SPTB: variants seen among roughly 807,000 people sequenced by gnomAD.
The protein encoded by SPTB is spectrin beta, erythrocytic.
SPTB carries 45 observed loss-of-function variants against 256.2 expected under a neutral mutation model. The ratio of observed to expected loss-of-function variants is 0.18; its 90% CI spans 0.14 to 0.23. SPTB has a LOEUF of 0.23. Among genes scored for constraint, SPTB ranks in the 10% least tolerant of loss-of-function variants. SPTB has a pLI of 1.00. For missense variants in SPTB, 2,715 were observed against 3,040.4 expected (o/e 0.89, Z 2.52); for synonymous variants, 1,231 against 1,243.1 (o/e 0.99, Z 0.21).
chr14:64,818,330 G>A (rs1437637299), intron 2 of SPTB, among the ~76,000 whole-genome samples: 1 of 152,368 alleles, frequency 6.6e-6, no homozygotes, highest in East Asian at 1.9e-4. Context: ...GAGCCGAGGA[G>A]CTGTAAAACA....
chr14:64,787,833 G>A (rs376821064), intron 15 of SPTB, among the ~76,000 whole-genome samples: 1 of 152,328 alleles, frequency 6.6e-6, no homozygotes, highest in East Asian at 1.9e-4. Flanking sequence ...TGCAGTACAC[G>A]ATAAGCCTCT....
intron 32 of SPTB, 43 bp downstream of exon 32, chr14:64,766,683 G>A: frequency 6.2e-7 from 1 of 1,613,542 alleles, no homozygotes; most frequent in Admixed American, 1.7e-5. Context: ...GGCTCTGGCT[G>A]CAGTGACTCC....
In SPTB at chr14:64,786,992, G is replaced by T; in HGVS notation, c.2973C>A (p.Ile991=). 1.9e-6 allele frequency: 3 copies of T among 1,614,092 alleles called. No homozygotes were observed. The highest frequency in any genetic ancestry group is 2.5e-6 in the Non-Finnish European group (3 of 1,180,030). The change falls in exon 16 of 36, where the codon ATC becomes ATA. Residue 991 remains isoleucine (I), a synonymous_variant. Transcript: ENST00000644917. The surrounding 1 kb of genome is among the most constrained non-coding windows in gnomAD (Gnocchi z 5.6). ...GCCCTGACAACTTCCTCTGGATGGC[G>T]ATGATACCTGCCAGGTCCCGCCCCA... ...KDLGRDLAGI[I]AIQRKLSGLE... is the part of the protein sequence containing the mutation.
At chr14:64,828,993 G>A (rs1012743882) in intron 1 of SPTB, among the ~76,000 whole-genome samples, 3 of 152,112 alleles carry the variant, frequency 2.0e-5, no homozygotes, top group African/African-American at 7.2e-5. Context: ...CAGATAATGG[G>A]TTGATGGGTG....
In SPTB at chr14:64,760,369, C is replaced by T. The variant is rs532112112; in HGVS notation, c.6345+6357G>A. 1.3e-5 allele frequency among the ~76,000 whole-genome samples: 2 copies of T among 152,022 alleles called. No homozygotes were observed. Among genetic ancestry groups the T allele is most frequent in the African/African-American group, 2.4e-5 (1 of 41,392 alleles). Reference sequence around the variant, plus strand: ...GTCCAGGCTCAACCAGCAGGTGGCGCGGGGGACTGCACACAGACAACAAAC... The same window carrying T: ...GTCCAGGCTCAACCAGCAGGTGGCGTGGGGGACTGCACACAGACAACAAAC... On this transcript the variant is annotated intron_variant, in intron 32 of 35. Coordinates refer to ENST00000644917, the MANE Select transcript of SPTB (RefSeq NM_001355436.2). The surrounding 1 kb of genome is among the most constrained non-coding windows in gnomAD (Gnocchi z 4.3).
intron 32 of SPTB, 72 bp downstream of exon 32, chr14:64,766,654 A>T (rs1450256052): frequency 6.2e-7 from 1 of 1,612,622 alleles, no homozygotes; most frequent in Non-Finnish European, 8.5e-7. Flanking sequence ...ACCTGGGCTG[A>T]GCCTAGTAGG....
At chr14:64,834,158 C>G (rs971070526) in intron 1 of SPTB, among the ~76,000 whole-genome samples, 2 of 152,158 alleles carry the variant, frequency 1.3e-5, no homozygotes, top group Non-Finnish European at 2.9e-5. Context: ...TCCCAAGTAG[C>G]TGGGACTACA....
chr14:64,763,955 T>C (rs1258187376), intron 32 of SPTB: 1 of 501,932 alleles, frequency 2.0e-6, no homozygotes, highest in Non-Finnish European at 4.0e-6. Context: ...TGTGCAGCTG[T>C]CCAGACAGGA....
chr14:64,751,041 AATTATAT>A (rs966639168), intron 33 of SPTB, among the ~76,000 whole-genome samples: 15 of 145,162 alleles, frequency 1.0e-4, no homozygotes, highest in East Asian at 3.9e-4. Flanking sequence ...TATATGTAGC[AATTATAT>A]ATTATATAAT....
intron 32 of SPTB, among the ~76,000 whole-genome samples, chr14:64,765,470 T>C (rs910157924): frequency 1.3e-5 from 2 of 152,094 alleles, no homozygotes; most frequent in African/African-American, 2.4e-5. Flanking sequence ...CTGAGGCGCA[T>C]GCCCTAGGCC....
chr14:64,749,326 A>G lies in SPTB; in HGVS notation c.6967T>C (p.Phe2323Leu). The change falls in exon 36 of 36, where the codon TTC becomes CTC. Residue 2323 changes from phenylalanine to leucine, a missense_variant. Physicochemically the swap from Phe to Leu is conservative, Grantham distance 22. Coordinates refer to ENST00000644917, the MANE Select transcript of SPTB (RefSeq NM_001355436.2). This position sits in a 1 kb window ranked among gnomAD's most constrained non-coding sequence, Gnocchi z 4.7. ...ACCTGCTACTTCTTTTTGGGGAAGA[A>G]GCTGAATCTCTTCTCCTTGTCTTTC... Reference protein sequence around the residue: ...GKKDKEKRFSFFPKKK With the variant: ...GKKDKEKRFSLFPKKK The G allele has an allele frequency of 6.2e-7, 1 of 1,607,668 alleles. No homozygotes were observed.
At chr14:64,765,467 G>A (rs930407934) in intron 32 of SPTB, among the ~76,000 whole-genome samples, 1 of 152,240 alleles carries the variant, frequency 6.6e-6, no homozygotes, top group South Asian at 2.1e-4. Flanking sequence ...GTCCTGAGGC[G>A]CATGCCCTAG....
At chr14:64,834,041 T>C (rs1487117839) in intron 1 of SPTB, among the ~76,000 whole-genome samples, 2 of 152,172 alleles carry the variant, frequency 1.3e-5, no homozygotes, top group South Asian at 2.1e-4. Context: ...TTTGTTTCTT[T>C]TTTAAAACGG....
At chr14:64,834,237 G>A (rs1425148966) in intron 1 of SPTB, among the ~76,000 whole-genome samples, 1 of 151,984 alleles carries the variant, frequency 6.6e-6, no homozygotes, top group African/African-American at 2.4e-5. Context: ...ATATTGGTCA[G>A]GCTGGTCTCA....
At chr14:64,783,907 C>T (rs562208298) in intron 19 of SPTB, among the ~76,000 whole-genome samples, 2 of 152,352 alleles carry the variant, frequency 1.3e-5, no homozygotes, top group African/African-American at 4.8e-5. Context: ...TCCTCCAGCC[C>T]TGTGCAGGAC....
At chr14:64,803,116 G>C (rs2082918461) in intron 4 of SPTB, among the ~76,000 whole-genome samples, 1 of 152,040 alleles carries the variant, frequency 6.6e-6, no homozygotes. Flanking sequence ...GGTTCTTTCT[G>C]TCCCCAAACC....
rs955961406 is a variant in SPTB at position 64,771,516 on chromosome 14, C to T, written c.5554-387G>A. ...ATTGCTGTTTCTGAGATGGGGAAAA[C>T]GAGGCACAAGGAAGCTAAGTAACTG... On this transcript the variant is annotated intron_variant, in intron 26 of 35. Coordinates refer to ENST00000644917, the MANE Select transcript of SPTB (RefSeq NM_001355436.2). 1.3e-4 allele frequency among the ~76,000 whole-genome samples: 20 copies of T among 152,274 alleles called. No homozygotes were observed. The East Asian group carries it at 1.3e-3, about 10-fold the overall frequency.
At chr14:64,780,794 T>TG (rs1180032764) in intron 20 of SPTB, among the ~76,000 whole-genome samples, 1 of 152,192 alleles carries the variant, frequency 6.6e-6, no homozygotes, top group Non-Finnish European at 1.5e-5. Context: ...AGAACAAAGC[T>TG]GGAGGAATCA....
At chr14:64,870,809 G>A (rs1882486351) in intron 1 of SPTB, among the ~76,000 whole-genome samples, 1 of 152,206 alleles carries the variant, frequency 6.6e-6, no homozygotes, top group African/African-American at 2.4e-5. Context: ...TGAAAGCAAG[G>A]TCTCAAGGAG....
Sources: gnomAD v4.1 joint callset for allele counts (sites outside exome capture counted in the v4.1 genomes callset) on GRCh38, gnomAD v4.1.1 for gene constraint, Gnocchi (gnomAD v3.1) non-coding constraint, MANE v1.5 for transcripts, NCBI Gene and HGNC (gene_info 2026-07-23, HGNC 2026-07-21) for gene names.